Variants in CPEB3 observed in about 807,000 individuals in gnomAD.
CPEB3 encodes cytoplasmic polyadenylation element binding protein 3.
A neutral mutation model predicts 67.2 loss-of-function variants in CPEB3; 20 were observed. That is an observed-to-expected ratio of 0.30 (90% CI 0.21 to 0.43). The LOEUF (loss-of-function observed/expected upper bound fraction) is 0.43, where lower values mean the gene tolerates loss of function less well. Ranked by LOEUF, CPEB3 falls within the 20% of genes least tolerant of loss-of-function variation. CPEB3 has a pLI of 1.00. For synonymous variants in CPEB3, 376 were observed against 393.1 expected, an observed-to-expected ratio of 0.96 and a Z score of 0.51; for missense variants, 746 against 968.6, an observed-to-expected ratio of 0.77 and a Z score of 3.05.
At chr10:92,144,340 T>C (rs961647946) in intron 5 of CPEB3, among the ~76,000 whole-genome samples, 2 of 152,122 alleles carry the variant, frequency 1.3e-5, no homozygotes, top group Admixed American at 1.3e-4. Flanking sequence ...GGTATGATCA[T>C]AGCTCACTGT....
intron 2 of CPEB3, among the ~76,000 whole-genome samples, chr10:92,199,908 A>C (rs984741993): frequency 1.4e-4 from 21 of 152,150 alleles, no homozygotes; most frequent in Non-Finnish European, 2.9e-5. Context: ...AGAGAGAGAG[A>C]GAGAGAGAGA....
chr10:92,282,873 C>T (rs1842356786), intron 1 of CPEB3, among the ~76,000 whole-genome samples: 1 of 152,164 alleles, frequency 6.6e-6, no homozygotes, highest in South Asian at 2.1e-4. Context: ...AAAATGCTTA[C>T]AGACCATGGT....
At chr10:92,233,977 C>T (rs1025417046) in intron 2 of CPEB3, among the ~76,000 whole-genome samples, 3 of 151,826 alleles carry the variant, frequency 2.0e-5, no homozygotes, top group African/African-American at 4.8e-5. Context: ...CATGGTGGCA[C>T]GTGCCTGTAG....
chr10:92,224,884 T>C (rs1850887947), intron 2 of CPEB3, among the ~76,000 whole-genome samples: 2 of 147,636 alleles, frequency 1.4e-5, no homozygotes, highest in African/African-American at 2.5e-5. Context: ...TTTATATATA[T>C]ATAAATTTAA....
At chr10:92,199,383 C>T (rs1434584187) in intron 2 of CPEB3, among the ~76,000 whole-genome samples, 1 of 121,404 alleles carries the variant, frequency 8.2e-6, no homozygotes, top group Non-Finnish European at 1.7e-5. Flanking sequence ...AAAAGTGAAA[C>T]TCTGTCTCAA....
At chr10:92,111,237 C>T (rs376947453) in intron 6 of CPEB3, 43 bp from the exon 7 acceptor site, 9 of 1,228,726 alleles carry the variant, frequency 7.3e-6, no homozygotes, top group African/African-American at 6.0e-5. Flanking sequence ...AGAATCAGTA[C>T]ATTAAACTCA....
intron 1 of CPEB3, among the ~76,000 whole-genome samples, chr10:92,288,941 T>C (rs1842664347): frequency 6.6e-6 from 1 of 152,026 alleles, no homozygotes. Flanking sequence ...CAAAAAATAA[T>C]AATTTAAAAT....
chr10:92,103,195 A>T (rs17364211), intron 7 of CPEB3, among the ~76,000 whole-genome samples: 19,229 of 152,214 alleles, frequency 0.13, 1,463 homozygotes, highest in Middle Eastern at 0.21. Context: ...GGCTTAATGA[A>T]TGCAAATTTC....
chr10:92,264,715 CAAA>C (rs773984330), intron 1 of CPEB3, among the ~76,000 whole-genome samples: 2 of 58,796 alleles, frequency 3.4e-5, no homozygotes, highest in East Asian at 5.3e-4. Context: ...GACTCCGTCT[CAAA>C]AAAAAAAAAA....
intron 8 of CPEB3, among the ~76,000 whole-genome samples, chr10:92,085,898 C>T (rs1318653097): frequency 2.0e-5 from 3 of 152,162 alleles, no homozygotes; most frequent in African/African-American, 7.2e-5. Context: ...GCGTGAGCCA[C>T]CGTGCTTGGC....
rs897103460 is a variant in CPEB3 at position 92,049,942 on chromosome 10, GAATTA to G, written c.*2265_*2269del. On this transcript the variant is annotated 3_prime_UTR_variant, in exon 10 of 10. Coordinates refer to ENST00000265997, the MANE Select transcript of CPEB3 (RefSeq NM_014912.5). Reference sequence around the variant, plus strand: ...CCATCTGTTAAATCATTTTCTTGCAGAATTAAATTAATATATATTTTTCTGAATAA... The same window carrying G: ...CCATCTGTTAAATCATTTTCTTGCAGAATTAATATATATTTTTCTGAATAA... The G allele has an allele frequency of 1.3e-5, 2 of 152,398 alleles. No individual in the cohort carries two copies. Among genetic ancestry groups the G allele is most frequent in the Middle Eastern group, 3.4e-3 (1 of 294 alleles). 9.4% of individuals were successfully genotyped at this position (152,398 alleles called of 1,614,324 possible).
intron 1 of CPEB3, among the ~76,000 whole-genome samples, chr10:92,285,431 T>G (rs1842484405): frequency 6.6e-6 from 1 of 152,028 alleles, no homozygotes; most frequent in South Asian, 2.1e-4. Context: ...CCACCATGCC[T>G]GGTTAATGTT....
intron 1 of CPEB3, among the ~76,000 whole-genome samples, chr10:92,289,732 A>AATATATAT (rs71025390): frequency 1.3e-3 from 102 of 75,708 alleles, no homozygotes; most frequent in Middle Eastern, 9.8e-3. Context: ...AAAAAAAAAA[A>AATATATAT]ATATATATAT....
Position 92,137,362 on chromosome 10 carries a change from C to CCCAA in CPEB3, c.1453+5666_1453+5667insTTGG, listed in dbSNP as rs1274327189. The CCCAA allele has an allele frequency of 1.1e-5, 11 of 1,032,698 alleles. No homozygotes were observed. In the East Asian group the frequency reaches 2.6e-4, roughly 24 times the overall value. 64.0% of individuals were successfully genotyped at this position (1,032,698 alleles called of 1,614,324 possible). On this transcript the variant is annotated intron_variant, in intron 6 of 9. Transcript: ENST00000265997. ...ATCTGATATGCTTAACCAGAGATAC[C>CCCAA]TGTCTCCCAAATACATCAAGATGTT... is the stretch of plus-strand genomic sequence containing the variant.
intron 9 of CPEB3, among the ~76,000 whole-genome samples, chr10:92,062,104 T>C (rs1478387719): frequency 1.3e-5 from 2 of 151,716 alleles, no homozygotes; most frequent in East Asian, 3.9e-4. Context: ...TAGCCAGGTG[T>C]GGTGGTGGCG....
At chr10:92,262,926 A>G (rs1462106977) in intron 1 of CPEB3, among the ~76,000 whole-genome samples, 1 of 152,154 alleles carries the variant, frequency 6.6e-6, no homozygotes, top group East Asian at 1.9e-4. Flanking sequence ...TCAAGAAAAA[A>G]AATCCTCCTG....
intron 4 of CPEB3, among the ~76,000 whole-genome samples, chr10:92,155,156 C>G (rs915019022): frequency 6.6e-6 from 1 of 152,074 alleles, no homozygotes; most frequent in African/African-American, 2.4e-5. Context: ...TTGCAGTGAG[C>G]CAAGATTATG....
At chr10:92,109,207 G>T (rs1367132599) in intron 7 of CPEB3, among the ~76,000 whole-genome samples, 1 of 151,966 alleles carries the variant, frequency 6.6e-6, no homozygotes, top group East Asian at 1.9e-4. Context: ...GCTCTCTGGA[G>T]GTTGAGAATT....
At chr10:92,248,228 C>A (rs1163628819) in intron 1 of CPEB3, among the ~76,000 whole-genome samples, 1 of 152,080 alleles carries the variant, frequency 6.6e-6, no homozygotes, top group African/African-American at 2.4e-5. Flanking sequence ...ACTTATAATA[C>A]CTAATACAAT....
Sources: gnomAD v4.1 joint callset for allele counts (sites outside exome capture counted in the v4.1 genomes callset) on GRCh38, gnomAD v4.1.1 for gene constraint, MANE v1.5 for transcripts, NCBI Gene and HGNC (gene_info 2026-07-23, HGNC 2026-07-21) for gene names.